Variants in ATRNL1 observed in about 807,000 individuals in gnomAD.
The protein encoded by ATRNL1 is attractin like 1.
A neutral mutation model predicts 182.7 loss-of-function variants in ATRNL1; 95 were observed. The observed-to-expected ratio is 0.52, with a 90% CI of 0.44 to 0.62. The LOEUF (loss-of-function observed/expected upper bound fraction) is 0.62, where lower values mean the gene tolerates loss of function less well. Among genes scored for constraint, ATRNL1 ranks in the 20% least tolerant of loss-of-function variants. The probability of loss-of-function intolerance (pLI) is 0.00; values close to 1 mark genes in which losing one functional copy is unlikely to be tolerated. For synonymous variants in ATRNL1, 576 were observed against 568.3 expected, an observed-to-expected ratio of 1.01 and a Z score of -0.19; for missense variants, 1,471 against 1,679.5, an observed-to-expected ratio of 0.88 and a Z score of 2.17.
At chr10:115,139,873 C>G (rs1219169348) in intron 5 of ATRNL1, among the ~76,000 whole-genome samples, 1 of 152,168 alleles carries the variant, frequency 6.6e-6, no homozygotes, top group African/African-American at 2.4e-5. Flanking sequence ...TTCACTCAAC[C>G]TGTTCTCTGA....
chr10:115,135,491 C>T (rs1845463526), intron 5 of ATRNL1, among the ~76,000 whole-genome samples: 1 of 152,080 alleles, frequency 6.6e-6, no homozygotes, highest in African/African-American at 2.4e-5. Context: ...ACGTGAAGGA[C>T]CTCTTCAAGG....
intron 21 of ATRNL1, among the ~76,000 whole-genome samples, chr10:115,444,019 G>A (rs1484810628): frequency 6.6e-6 from 1 of 151,950 alleles, no homozygotes; most frequent in Non-Finnish European, 1.5e-5. Context: ...TCTAGATCAA[G>A]CAGACAAAAT....
chr10:115,713,715 T>TCTATCATCTATCTAG lies in ATRNL1; in HGVS notation c.3796-13528_3796-13527insATCTATCTAGCTATC, dbSNP rs1565310976. Among the ~76,000 whole-genome samples, 433 of 151,106 alleles carry TCTATCATCTATCTAG rather than the reference T, an allele frequency of 2.9e-3. 2 individuals are homozygous for TCTATCATCTATCTAG. Among genetic ancestry groups the TCTATCATCTATCTAG allele is most frequent in the African/African-American group, 0.01 (413 of 40,878 alleles). Reference sequence around the variant, plus strand: ...TATCTATCTATCTATCATCTATCTATCTATCTATCTATCTATCTATCTATC... The same window carrying TCTATCATCTATCTAG: ...TATCTATCTATCTATCATCTATCTATCTATCATCTATCTAGCTATCTATCTATCTATCTATCTATC... On this transcript the variant is annotated intron_variant, in intron 26 of 28. Coordinates refer to ENST00000355044, the MANE Select transcript of ATRNL1 (RefSeq NM_207303.4).
At chr10:115,224,125 TG>T (rs1374313560) in intron 9 of ATRNL1, among the ~76,000 whole-genome samples, 1 of 150,948 alleles carries the variant, frequency 6.6e-6, no homozygotes, top group Non-Finnish European at 1.5e-5. Flanking sequence ...TTAGTACAGA[TG>T]GGGTTTCACC....
At chr10:115,464,361 G>T (rs997194384) in intron 22 of ATRNL1, among the ~76,000 whole-genome samples, 2 of 151,632 alleles carry the variant, frequency 1.3e-5, no homozygotes, top group African/African-American at 2.4e-5. Flanking sequence ...ATTTTAACTC[G>T]CTATCCATCA....
At chr10:115,838,026 A>G (rs1555096022) in intron 27 of ATRNL1, among the ~76,000 whole-genome samples, 4 of 152,276 alleles carry the variant, frequency 2.6e-5, no homozygotes. Context: ...TTCTTATATT[A>G]TTCTTTATAA....
chr10:115,257,665 T>A (rs1851212172), intron 10 of ATRNL1, among the ~76,000 whole-genome samples: 1 of 152,238 alleles, frequency 6.6e-6, no homozygotes, highest in Non-Finnish European at 1.5e-5. Context: ...GTTCGCTGGT[T>A]ATTTTGCCTG....
chr10:115,903,411 T>C (rs2134497377), intron 28 of ATRNL1, among the ~76,000 whole-genome samples: 1 of 152,238 alleles, frequency 6.6e-6, no homozygotes, highest in East Asian at 1.9e-4. Context: ...AGTCTCTCCC[T>C]CCCCCTGTCT....
chr10:115,865,752 T>C (rs550957076), intron 28 of ATRNL1, among the ~76,000 whole-genome samples: 1 of 152,298 alleles, frequency 6.6e-6, no homozygotes, highest in East Asian at 1.9e-4. Flanking sequence ...CGCCGTATGC[T>C]GAGTTTCCCT....
intron 27 of ATRNL1, among the ~76,000 whole-genome samples, chr10:115,737,269 T>C (rs1314712937): frequency 5.0e-5 from 7 of 140,632 alleles, no homozygotes; most frequent in African/African-American, 1.4e-4. Flanking sequence ...CTACAAAACA[T>C]CCCCCCCCCC....
Position 115,804,301 on chromosome 10 carries a change from T to C in ATRNL1, c.3904-43576T>C, listed in dbSNP as rs1555085151. ...CAAAATACTTGAATTCATGCTATTA[T>C]GGCCTGAATGTTTGTGTCCCTTTAC... On this transcript the variant is annotated intron_variant, in intron 27 of 28. Transcript: ENST00000355044. Among the ~76,000 whole-genome samples, 2 of 152,310 alleles carry C rather than the reference T, an allele frequency of 1.3e-5. 1 individual carries two copies. Among genetic ancestry groups the C allele is most frequent in the South Asian group, 4.1e-4 (2 of 4,830 alleles).
At position 115,171,121 on chromosome 10, in the gene ATRNL1, C is replaced by A; in HGVS notation, c.1177C>A (p.Gln393Lys). The change falls in exon 8 of 29, where the codon CAG becomes AAG. Residue 393 changes from glutamine to lysine, a missense_variant. By Grantham distance (53) the Gln-to-Lys change is moderately conservative. Transcript: ENST00000355044. ...DELWVFNIHS[Q>K]SWSTKTPTVL... ...ATTATGGGTTTTTAACATACATAGTCAGTCATGGAGTACAAAAACTCCTAC... is the reference window on the plus strand; with the variant it reads ...ATTATGGGTTTTTAACATACATAGTAAGTCATGGAGTACAAAAACTCCTAC... The A allele has an allele frequency of 1.2e-6, 2 of 1,605,324 alleles. No individual in the cohort carries two copies. Among genetic ancestry groups the A allele is most frequent in the South Asian group, 1.1e-5 (1 of 89,708 alleles).
chr10:115,254,323 C>A (rs1554906169), intron 10 of ATRNL1, among the ~76,000 whole-genome samples: 3 of 152,166 alleles, frequency 2.0e-5, no homozygotes, highest in African/African-American at 7.2e-5. Flanking sequence ...TTAATGATTG[C>A]CATTCTAACT....
chr10:115,550,583 G>C (rs1852919306), intron 26 of ATRNL1, among the ~76,000 whole-genome samples: 1 of 151,726 alleles, frequency 6.6e-6, no homozygotes, highest in Admixed American at 6.6e-5. Flanking sequence ...CTGCCTCTCT[G>C]ATTTTCTGTT....
At chr10:115,304,617 G>A (rs1167061692) in intron 17 of ATRNL1, among the ~76,000 whole-genome samples, 20 of 152,324 alleles carry the variant, frequency 1.3e-4, no homozygotes, top group African/African-American at 4.6e-4. Flanking sequence ...GAGGCTGGAG[G>A]AGGGGGTGTC....
intron 17 of ATRNL1, among the ~76,000 whole-genome samples, chr10:115,302,949 C>A (rs1853550244): frequency 7.3e-6 from 1 of 137,380 alleles, no homozygotes; most frequent in Admixed American, 6.9e-5. Context: ...TGACGCTCAT[C>A]AAAAATATGC....
chr10:115,720,723 A>G (rs1555057520), intron 26 of ATRNL1, among the ~76,000 whole-genome samples: 1 of 152,226 alleles, frequency 6.6e-6, no homozygotes, highest in African/African-American at 2.4e-5. Context: ...AGAACCAGTG[A>G]GCTACATGAA....
chr10:115,933,037 C>T (rs897118367), intron 28 of ATRNL1, among the ~76,000 whole-genome samples: 1 of 130,352 alleles, frequency 7.7e-6, no homozygotes, highest in South Asian at 2.1e-4. Flanking sequence ...TTGCTCAGAT[C>T]CCTTGAGAGA....
chr10:115,139,930 T>G (rs1272681796), intron 5 of ATRNL1, among the ~76,000 whole-genome samples: 1 of 152,188 alleles, frequency 6.6e-6, no homozygotes, highest in Non-Finnish European at 1.5e-5. Context: ...ATGAGAAGAC[T>G]GGATAAACTA....
Sources: gnomAD v4.1 joint callset for allele counts (sites outside exome capture counted in the v4.1 genomes callset) on GRCh38, gnomAD v4.1.1 for gene constraint, MANE v1.5 for transcripts, NCBI Gene and HGNC (gene_info 2026-07-23, HGNC 2026-07-21) for gene names.